Variants in CDKL3 observed in about 807,000 individuals in gnomAD.
CDKL3 encodes cyclin-dependent kinase-like 3.
Under a neutral mutation model 69.3 loss-of-function variants are expected in CDKL3, and 65 were observed. The observed-to-expected ratio is 0.94, with a 90% CI of 0.77 to 1.15. The LOEUF is 1.15. CDKL3 is among the 50% of genes most tolerant of loss of function. The probability of loss-of-function intolerance (pLI) is 0.00; values close to 1 mark genes in which losing one functional copy is unlikely to be tolerated. For synonymous variants in CDKL3, 202 were observed against 221.6 expected, an observed-to-expected ratio of 0.91 and a Z score of 0.79; for missense variants, 652 against 689.2, an observed-to-expected ratio of 0.95 and a Z score of 0.61.
intron 7 of CDKL3, among the ~76,000 whole-genome samples, chr5:134,310,145 T>C (rs1484675604): frequency 6.6e-6 from 1 of 151,400 alleles, no homozygotes; most frequent in Admixed American, 6.6e-5. Context: ...ACTGCCACTT[T>C]TTATCAATGG....
downstream of CDKL3, among the ~76,000 whole-genome samples, chr5:134,297,890 T>TGTG (rs1765446141): frequency 9.5e-6 from 1 of 105,104 alleles, no homozygotes; most frequent in South Asian, 3.6e-4. Flanking sequence ...CATGAATAGT[T>TGTG]TGTGTGTGTG....
intron 4 of CDKL3, among the ~76,000 whole-genome samples, chr5:134,346,864 C>T (rs1344704870): frequency 6.6e-6 from 1 of 152,120 alleles, no homozygotes; most frequent in Non-Finnish European, 1.5e-5. Context: ...TGTTTAAGTC[C>T]ATGAGTTCAT....
chr5:134,320,927 C>T (rs1772572666), intron 5 of CDKL3, among the ~76,000 whole-genome samples: 1 of 150,656 alleles, frequency 6.6e-6, no homozygotes, highest in Admixed American at 6.6e-5. Context: ...CTTGAAATAG[C>T]ACATTCAAGG....
At chr5:134,369,971 T>C (rs1758178246), upstream of CDKL3, among the ~76,000 whole-genome samples, 1 of 152,230 alleles carries the variant, frequency 6.6e-6, no homozygotes, top group Non-Finnish European at 1.5e-5. Context: ...AAATTAAGAA[T>C]ATTCAGCTTT....
chr5:134,325,674 A>G (rs1009104959), intron 4 of CDKL3, among the ~76,000 whole-genome samples: 3 of 152,062 alleles, frequency 2.0e-5, no homozygotes, highest in African/African-American at 7.2e-5. Flanking sequence ...ACTTTGTGAT[A>G]TAAGTTTGCA....
intron 4 of CDKL3, among the ~76,000 whole-genome samples, chr5:134,347,928 T>C (rs577027055): frequency 1.3e-5 from 2 of 152,224 alleles, no homozygotes; most frequent in South Asian, 4.1e-4. Context: ...GTGATAAATA[T>C]GTTCTAAAAT....
intron 8 of CDKL3, among the ~76,000 whole-genome samples, chr5:134,287,207 T>C (rs530755177): frequency 6.6e-6 from 1 of 151,984 alleles, no homozygotes; most frequent in East Asian, 1.9e-4. Context: ...GACACAAAGA[T>C]CAGGAAAAAT....
At chr5:134,286,163 C>A (rs1024027692), downstream of CDKL3, among the ~76,000 whole-genome samples, 2 of 152,034 alleles carry the variant, frequency 1.3e-5, no homozygotes, top group Admixed American at 6.6e-5. Flanking sequence ...TTTCTTCCAC[C>A]AGTTACCCTA....
chr5:134,320,390 C>T (rs1375821076), intron 5 of CDKL3, among the ~76,000 whole-genome samples: 2 of 151,642 alleles, frequency 1.3e-5, no homozygotes, highest in Non-Finnish European at 2.9e-5. Context: ...CCGAGTCGGG[C>T]AACATGGCAA....
At chr5:134,320,314 A>G (rs1427919609) in intron 5 of CDKL3, among the ~76,000 whole-genome samples, 4 of 152,124 alleles carry the variant, frequency 2.6e-5, no homozygotes, top group African/African-American at 9.7e-5. Flanking sequence ...CTCATCCACA[A>G]ATAATAAAAA....
intron 2 of CDKL3, among the ~76,000 whole-genome samples, chr5:134,361,637 T>C (rs114417142): frequency 0.011 from 1,608 of 152,250 alleles, 25 homozygotes; most frequent in African/African-American, 0.035. Context: ...GGCATGGTGG[T>C]GCACACCTAT....
At chr5:134,320,332 TTGGCCAGCCATGG>T in intron 5 of CDKL3, among the ~76,000 whole-genome samples, 1 of 152,140 alleles carries the variant, frequency 6.6e-6, no homozygotes, top group Non-Finnish European at 1.5e-5. Flanking sequence ...AAAACAAATC[TTGGCCAGCCATGG>T]TGGCTCACGC....
chr5:134,310,722 G>A (rs1476032733), intron 7 of CDKL3, among the ~76,000 whole-genome samples: 1 of 151,822 alleles, frequency 6.6e-6, no homozygotes, highest in East Asian at 1.9e-4. Context: ...CCTGACCTCA[G>A]TTGATCTGCC....
chr5:134,344,102 C>G (rs897022030), intron 4 of CDKL3, among the ~76,000 whole-genome samples: 14 of 152,118 alleles, frequency 9.2e-5, no homozygotes, highest in Admixed American at 2.6e-4. Context: ...TAGCCAAATG[C>G]AAAAGAATGA....
chr5:134,366,612 T>C (rs747998890), intron 1 of CDKL3, 68 bp from the exon 2 acceptor site: 9 of 946,056 alleles, frequency 9.5e-6, no homozygotes, highest in African/African-American at 1.7e-5. Flanking sequence ...TAAAACTAGA[T>C]AATGCATATC....
intron 6 of CDKL3, among the ~76,000 whole-genome samples, chr5:134,313,042 T>C (rs1338897398): frequency 6.6e-6 from 1 of 152,218 alleles, no homozygotes; most frequent in Admixed American, 6.5e-5. Context: ...ATAAAAAGCA[T>C]CTGCTTTATA....
intron 4 of CDKL3, among the ~76,000 whole-genome samples, chr5:134,333,642 C>T (rs1432741482): frequency 6.6e-6 from 1 of 152,302 alleles, no homozygotes; most frequent in Middle Eastern, 3.4e-3. Flanking sequence ...TTGAACCAGG[C>T]TTGCATCCCA....
chr5:134,369,627 G>A (rs1047153368), upstream of CDKL3, among the ~76,000 whole-genome samples: 5 of 152,048 alleles, frequency 3.3e-5, no homozygotes, highest in Non-Finnish European at 7.4e-5. Context: ...CAGGGTCTCA[G>A]TGGCATGATG....
At chr5:134,298,388 T>C (rs1395480730), downstream of CDKL3, 2 of 1,240,298 alleles carry the variant, frequency 1.6e-6, no homozygotes, top group Admixed American at 8.0e-5. Context: ...TCACGGCTTG[T>C]GTTATCCACT....
Sources: gnomAD v4.1 joint callset for allele counts (sites outside exome capture counted in the v4.1 genomes callset) on GRCh38, gnomAD v4.1.1 for gene constraint, MANE v1.5 for transcripts, NCBI Gene and HGNC (gene_info 2026-07-23, HGNC 2026-07-21) for gene names.